The following SUPV3L1 variants were observed in gnomAD, a reference collection of about 807,000 sequenced individuals.
SUPV3L1 encodes the protein ATP-dependent RNA helicase SUPV3L1, mitochondrial.
Under a neutral mutation model 70.0 loss-of-function variants are expected in SUPV3L1, and 35 were observed. The ratio of observed to expected loss-of-function variants is 0.50; its 90% CI spans 0.38 to 0.66. The LOEUF is 0.66. Ranked by LOEUF, SUPV3L1 falls within the 30% of genes least tolerant of loss-of-function variation. The probability of loss-of-function intolerance (pLI) is 0.00; values close to 1 mark genes in which losing one functional copy is unlikely to be tolerated. For synonymous variants in SUPV3L1, 364 were observed against 341.9 expected (o/e 1.06, Z -0.71); for missense variants, 777 against 961.5 (o/e 0.81, Z 2.54).
intron 13 of SUPV3L1, among the ~76,000 whole-genome samples, chr10:69,207,417 A>T (rs552400011): frequency 6.6e-6 from 1 of 152,262 alleles, no homozygotes; most frequent in African/African-American, 2.4e-5. Context: ...GGGCTCAGTA[A>T]TCCTCCACCT....
Position 69,202,239 on chromosome 10 carries a change from T to C in SUPV3L1, c.1519-200T>C, listed in dbSNP as rs149318940. The stretch of plus-strand genomic sequence containing the variant: ...ATTTCTCAGTGGCCATAATCTGTCA[T>C]TTTTACTAAATCATCAACTTTTCTA... On this transcript the variant is annotated intron_variant, in intron 11 of 14. Coordinates refer to ENST00000359655, the MANE Select transcript of SUPV3L1 (RefSeq NM_003171.5). 4.6e-4 allele frequency among the ~76,000 whole-genome samples: 70 copies of C among 152,314 alleles called. No individual in the cohort carries two copies. In the East Asian group the frequency reaches 0.012, roughly 25 times the overall value.
rs141365283 is a variant in SUPV3L1 at position 69,207,256 on chromosome 10, C to T, written c.1777-537C>T. Among the ~76,000 whole-genome samples the T allele has an allele frequency of 7.0e-3, 1,068 of 152,124 alleles. 11 individuals carry two copies. The highest frequency in any genetic ancestry group is 0.024 in the African/African-American group (1,012 of 41,494). On this transcript the variant is annotated intron_variant, in intron 13 of 14. Transcript: ENST00000359655. ...AGGGATACCCTATAGGTAGTGTGCC[C>T]AGAGTAGCCCTTGAACTTCTGCTGC...
rs759406971 is a variant in SUPV3L1 at position 69,209,024 on chromosome 10, G to A, written c.2350G>A (p.Asp784Asn). The A allele has an allele frequency of 6.5e-7, 1 of 1,538,104 alleles. No homozygotes were observed. The highest frequency in any genetic ancestry group is 1.2e-5 in the South Asian group (1 of 80,658). ...GACGAGAAGAAAGAAGAAGGAACCT[G>A]ATTCGGACTAGTTTTCTGTTCCTGT... The part of the protein sequence containing the change: ...KGTRRKKKEP[D>N]SD Residue 784 changes from aspartate to asparagine, a missense_variant, in exon 15 of 15, where the codon GAT becomes AAT. Around this residue, in one of 2 missense-constraint regions of SUPV3L1, gnomAD observed 619 missense variants for 823.3 expected, o/e 0.75. Transcript: ENST00000359655.
chr10:69,180,697 C>A, intron 1 of SUPV3L1, 135 bp downstream of exon 1: 1 of 1,219,562 alleles, frequency 8.2e-7, no homozygotes, highest in Non-Finnish European at 1.1e-6. Context: ...TCAGTGTCTG[C>A]CTCCTTCGCT....
rs771556040 is a variant in SUPV3L1, at chr10:69,180,393, C to T, written c.102C>T (p.Pro34=). 1.2e-6 allele frequency: 2 copies of T among 1,614,260 alleles called. No individual in the cohort carries two copies. Among genetic ancestry groups the T allele is most frequent in the Middle Eastern group, 1.6e-4 (1 of 6,062 alleles). Residue 34 remains proline, a synonymous_variant, in exon 1 of 15, where the codon CCC becomes CCT. Coordinates refer to ENST00000359655, the MANE Select transcript of SUPV3L1 (RefSeq NM_003171.5). ...CTGCCCTTCGTCCCCACTTTGGGCCCTTTCCCGGGGTTCTGGGGCAAGTTT... is the reference window on the plus strand; with the variant it reads ...CTGCCCTTCGTCCCCACTTTGGGCCTTTTCCCGGGGTTCTGGGGCAAGTTT... ...ICSALRPHFG[P]FPGVLGQVSV...
At chr10:69,191,527 G>T (rs768016620) in intron 5 of SUPV3L1, 128 bp from the exon 6 acceptor site, 5 of 731,896 alleles carry the variant, frequency 6.8e-6, no homozygotes, top group Non-Finnish European at 9.1e-6. Context: ...GTGTCTGGCC[G>T]TGGGAACATT....
At chr10:69,199,052 A>G (rs1842616358) in intron 9 of SUPV3L1, 52 bp from the exon 10 acceptor site, 4 of 1,389,008 alleles carry the variant, frequency 2.9e-6, no homozygotes, top group African/African-American at 1.4e-5. Flanking sequence ...ACTTAGCTTG[A>G]TGTAATAAAA....
intron 5 of SUPV3L1, among the ~76,000 whole-genome samples, chr10:69,189,955 C>G (rs1343627597): frequency 2.0e-5 from 3 of 152,100 alleles, no homozygotes; most frequent in Admixed American, 6.5e-5. Context: ...TCTATCAATT[C>G]TTAAGATGCA....
At chr10:69,195,074 C>T (rs1842505660) in intron 6 of SUPV3L1, 114 bp from the exon 7 acceptor site, 4 of 702,822 alleles carry the variant, frequency 5.7e-6, no homozygotes, top group Non-Finnish European at 9.0e-6. Context: ...AAAAGAGGAA[C>T]CCAGTAAGTG....
chr10:69,181,275 G>T (rs979618956), intron 1 of SUPV3L1, among the ~76,000 whole-genome samples: 3 of 152,210 alleles, frequency 2.0e-5, no homozygotes, highest in Non-Finnish European at 1.5e-5. Flanking sequence ...GATGATTAGG[G>T]AGGTAAGGGA....
chr10:69,189,938 A>G (rs7899844), intron 5 of SUPV3L1, among the ~76,000 whole-genome samples: 115,192 of 152,072 alleles, frequency 0.76, 45,736 homozygotes, highest in Non-Finnish European at 0.89. Context: ...GAGCCACCGC[A>G]CCCAGCTCTA....
At position 69,187,757 on chromosome 10, in the gene SUPV3L1, G is replaced by A. The variant is rs756426130; in HGVS notation, c.572+1G>A. ...GTGACTTAAGAATACCACCTAACTGGTTAGTTTCTCCATTTGTGGATTTGA... is the reference window on the plus strand; with the variant it reads ...GTGACTTAAGAATACCACCTAACTGATTAGTTTCTCCATTTGTGGATTTGA... On this transcript the variant is annotated splice_donor_variant, in intron 4 of 14. Coordinates refer to ENST00000359655, the MANE Select transcript of SUPV3L1 (RefSeq NM_003171.5). LOFTEE classifies it high-confidence loss of function. 3.8e-6 allele frequency: 6 copies of A among 1,570,834 alleles called. No individual in the cohort carries two copies. The highest frequency in any genetic ancestry group is 5.2e-6 in the Non-Finnish European group (6 of 1,153,670).
At chr10:69,190,068 A>G (rs1187827640) in intron 5 of SUPV3L1, among the ~76,000 whole-genome samples, 1 of 152,236 alleles carries the variant, frequency 6.6e-6, no homozygotes, top group African/African-American at 2.4e-5. Context: ...GCAGAAAGTA[A>G]CATACAAATA....
At chr10:69,190,127 C>T (rs184198257) in intron 5 of SUPV3L1, among the ~76,000 whole-genome samples, 1 of 152,308 alleles carries the variant, frequency 6.6e-6, no homozygotes, top group Admixed American at 6.5e-5. Flanking sequence ...TTTTATCATA[C>T]TTGCTTCACT....
Sources: gnomAD v4.1 joint callset for allele counts (sites outside exome capture counted in the v4.1 genomes callset) on GRCh38, gnomAD v4.1.1 for gene constraint, gnomAD v4.1.1 regional missense constraint, MANE v1.5 for transcripts, NCBI Gene and HGNC (gene_info 2026-07-23, HGNC 2026-07-21) for gene names.